Variants in KCNMA1 observed in about 807,000 individuals in gnomAD.
The protein encoded by KCNMA1 is potassium calcium-activated channel subfamily M alpha 1.
KCNMA1 carries 29 observed loss-of-function variants against 140.0 expected under a neutral mutation model. That is an observed-to-expected ratio of 0.21 (90% CI 0.15 to 0.28). The LOEUF (loss-of-function observed/expected upper bound fraction) is 0.28. Ranked by LOEUF, KCNMA1 falls within the 10% of genes least tolerant of loss-of-function variation. KCNMA1 has a pLI of 1.00. For synonymous variants in KCNMA1, 612 were observed against 611.9 expected (o/e 1.00, Z 0.00); for missense variants, 880 against 1,602.2 (o/e 0.55, Z 7.70).
At chr10:76,923,393 C>T (rs1490876836) in intron 23 of KCNMA1, among the ~76,000 whole-genome samples, 1 of 148,600 alleles carries the variant, frequency 6.7e-6, no homozygotes, top group Non-Finnish European at 1.5e-5. Context: ...TGCACCACTG[C>T]ACTCCAGCCT....
intron 17 of KCNMA1, among the ~76,000 whole-genome samples, chr10:77,013,695 T>C (rs1416017466): frequency 2.0e-5 from 3 of 152,220 alleles, no homozygotes; most frequent in African/African-American, 4.8e-5. Context: ...AAGTATTTTA[T>C]AAGCATTAAA....
intron 2 of KCNMA1, among the ~76,000 whole-genome samples, chr10:77,313,351 C>T (rs2079860799): frequency 1.3e-5 from 2 of 152,162 alleles, no homozygotes; most frequent in Non-Finnish European, 2.9e-5. Context: ...GCTCCTGATG[C>T]CGGTAAGAGG....
intron 3 of KCNMA1, among the ~76,000 whole-genome samples, chr10:77,186,711 G>C (rs986585716): frequency 6.6e-6 from 1 of 151,892 alleles, no homozygotes; most frequent in Non-Finnish European, 1.5e-5. Context: ...AGGTTGACCA[G>C]AAATCCTATA....
At chr10:77,183,575 C>A in intron 4 of KCNMA1, 43 bp from the exon 5 acceptor site, 1 of 1,357,188 alleles carries the variant, frequency 7.4e-7, no homozygotes, top group Non-Finnish European at 1.0e-6. Context: ...ACATGAGAAG[C>A]ATGGTGCTGG....
intron 1 of KCNMA1, among the ~76,000 whole-genome samples, chr10:77,508,581 C>CTTTTTTTTTTTTTTT (rs761735012): frequency 1.2e-4 from 12 of 99,870 alleles, no homozygotes; most frequent in South Asian, 3.5e-4. Context: ...TTTTTCTTTT[C>CTTTTTTTTTTTTTTT]TTTTTTTTTT....
Position 77,292,614 on chromosome 10 carries a change from C to T in KCNMA1, c.541-41358G>A, listed in dbSNP as rs140017906. Among the ~76,000 whole-genome samples, 662 of 152,290 alleles carry T rather than the reference C, an allele frequency of 4.3e-3. 6 individuals are homozygous for T. Among genetic ancestry groups the T allele is most frequent in the African/African-American group, 0.015 (628 of 41,564 alleles). ...CATGATTAGGTCTCCTCCATGATAC[C>T]ACCTCCTCTTTTTGTCCTTCCAGGC... On this transcript the variant is annotated intron_variant, in intron 2 of 27. Coordinates refer to ENST00000286628, the MANE Select transcript of KCNMA1 (RefSeq NM_001161352.2).
At chr10:77,470,415 A>G in intron 1 of KCNMA1, among the ~76,000 whole-genome samples, 1 of 152,112 alleles carries the variant, frequency 6.6e-6, no homozygotes, top group East Asian at 1.9e-4. Context: ...AGGGTAGGGC[A>G]GCAGAAGAGC....
At position 77,506,596 on chromosome 10, in the gene KCNMA1, A is replaced by AGAGAGTGTGTGTGTGT; in HGVS notation, c.379-102574_379-102573insACACACACACACTCTC. Among the ~76,000 whole-genome samples, 56 of 83,570 alleles carry AGAGAGTGTGTGTGTGT rather than the reference A, an allele frequency of 6.7e-4. 3 individuals are homozygous for AGAGAGTGTGTGTGTGT. The highest frequency in any genetic ancestry group is 3.5e-3 in the South Asian group (8 of 2,264). 54.8% of individuals were successfully genotyped at this position (83,570 alleles called of 152,430 possible). A position where few individuals can be genotyped will look rare whatever the true frequency, so the allele number is the denominator to read the frequency against. ...TAGAGAGAGAGAGAGAGAGAGAGAG[A>AGAGAGTGTGTGTGTGT]GTGTGTGTGTGTGTGTGTGTGTGTT... On this transcript the variant is annotated intron_variant, in intron 1 of 27. Coordinates refer to ENST00000286628, the MANE Select transcript of KCNMA1 (RefSeq NM_001161352.2).
Position 77,403,990 on chromosome 10 carries a change from C to G in KCNMA1, c.412G>C (p.Ala138Pro). ...AQKINNGSSQ[A>P]DGTLKPVDEK... ...TCCACTGGTTTGAGAGTGCCATCCG[C>G]CTGGCTTGAGCCATTGTTAATCTTC... Residue 138 changes from alanine to proline, a missense_variant, in exon 2 of 28, where the codon GCG becomes CCG. By Grantham distance (27) the Ala-to-Pro change is conservative. Coordinates refer to ENST00000286628, the MANE Select transcript of KCNMA1 (RefSeq NM_001161352.2). 1 of 1,614,174 alleles carries G rather than the reference C, an allele frequency of 6.2e-7. No individual in the cohort carries two copies.
At chr10:77,278,542 C>T (rs2067356691) in intron 2 of KCNMA1, among the ~76,000 whole-genome samples, 1 of 152,174 alleles carries the variant, frequency 6.6e-6, no homozygotes, top group African/African-American at 2.4e-5. Flanking sequence ...TTCCTCTCTC[C>T]TGCATTTGGA....
intron 17 of KCNMA1, among the ~76,000 whole-genome samples, chr10:77,018,212 A>G (rs1036385605): frequency 5.9e-5 from 9 of 152,218 alleles, no homozygotes; most frequent in Non-Finnish European, 1.2e-4. Context: ...TCATTCAATG[A>G]AGACAATAGG....
intron 23 of KCNMA1, among the ~76,000 whole-genome samples, chr10:76,920,292 GAAAA>G (rs965196144): frequency 2.6e-5 from 4 of 151,210 alleles, no homozygotes; most frequent in African/African-American, 9.7e-5. Flanking sequence ...AGAACCCAAA[GAAAA>G]AAAATAGCCA....
chr10:76,889,279 T>C (rs1317534154), intron 27 of KCNMA1, among the ~76,000 whole-genome samples, 172 bp downstream of exon 27: 1 of 152,182 alleles, frequency 6.6e-6, no homozygotes. Flanking sequence ...TATTAGTAAT[T>C]ATAGAAAAAT....
At chr10:76,890,519 C>G (rs1285596491) in intron 26 of KCNMA1, among the ~76,000 whole-genome samples, 1 of 152,004 alleles carries the variant, frequency 6.6e-6, no homozygotes, top group African/African-American at 2.4e-5. Context: ...AATTCCCTTT[C>G]AAAAAAAGCC....
At chr10:77,503,139 G>A (rs879480498) in intron 1 of KCNMA1, among the ~76,000 whole-genome samples, 4 of 152,122 alleles carry the variant, frequency 2.6e-5, no homozygotes, top group Admixed American at 2.0e-4. Context: ...ATCAAAGAAA[G>A]GTAAACAGGT....
intron 5 of KCNMA1, among the ~76,000 whole-genome samples, chr10:77,136,466 C>T (rs906478351): frequency 3.3e-5 from 5 of 151,828 alleles, no homozygotes; most frequent in Non-Finnish European, 5.9e-5. Context: ...AGTACTGGAG[C>T]TCTGTTTTGC....
At chr10:77,540,935 G>A (rs2060031843) in intron 1 of KCNMA1, among the ~76,000 whole-genome samples, 1 of 151,616 alleles carries the variant, frequency 6.6e-6, no homozygotes, top group South Asian at 2.1e-4. Flanking sequence ...AACCCAGGAG[G>A]CAGAGATCGC....
chr10:76,973,634 T>C (rs1269202678), intron 19 of KCNMA1, among the ~76,000 whole-genome samples: 1 of 152,228 alleles, frequency 6.6e-6, no homozygotes, highest in Non-Finnish European at 1.5e-5. Flanking sequence ...AATGCAGAGT[T>C]GAACATCTGT....
chr10:76,954,695 G>A (rs12358717), intron 20 of KCNMA1, among the ~76,000 whole-genome samples: 9,883 of 152,184 alleles, frequency 0.065, 482 homozygotes, highest in Admixed American at 0.16. Context: ...CCCAACTGCT[G>A]CATATCTTAG....
Sources: gnomAD v4.1 joint callset for allele counts (sites outside exome capture counted in the v4.1 genomes callset) on GRCh38, gnomAD v4.1.1 for gene constraint, MANE v1.5 for transcripts, NCBI Gene and HGNC (gene_info 2026-07-23, HGNC 2026-07-21) for gene names.